The following DNAH6 variants were observed in gnomAD, a reference collection of about 807,000 sequenced individuals.
DNAH6 encodes axonemal beta dynein heavy chain 6.
Under a neutral mutation model 491.4 loss-of-function variants are expected in DNAH6, and 340 were observed. The observed-to-expected ratio is 0.69, with a 90% CI of 0.63 to 0.76. The LOEUF is 0.76. DNAH6 is among the 30% of genes least tolerant of loss of function. DNAH6 has a pLI of 0.00. For missense variants in DNAH6, 4,443 were observed against 4,972.2 expected (o/e 0.89, Z 3.20); for synonymous variants, 1,603 against 1,686.1 (o/e 0.95, Z 1.21).
chr2:84,680,222 T>G (rs1436349725), intron 41 of DNAH6, among the ~76,000 whole-genome samples: 1 of 152,174 alleles, frequency 6.6e-6, no homozygotes, highest in African/African-American at 2.4e-5. Context: ...TGACACCAAA[T>G]CTGAAGTCAC....
rs1184751951 is a variant in DNAH6, at chr2:84,785,676, T to G, written c.11020T>G (p.Ser3674Ala). ...IRRAFTEMTP[S>A]FFEENILGKK... The stretch of plus-strand genomic sequence containing the variant: ...ACGAGCATTTACTGAAATGACACCT[T>G]CGTTTTTTGAAGAAAATATACTTGG... The change falls in exon 67 of 77, where the codon TCG becomes GCG. Residue 3674 changes from serine (S) to alanine (A), a missense_variant. Physicochemically the swap from Ser to Ala is moderately conservative, Grantham distance 99 (BLOSUM62 1). Coordinates refer to ENST00000389394, the MANE Select transcript of DNAH6 (RefSeq NM_001370.2). 1.3e-6 allele frequency: 2 copies of G among 1,548,576 alleles called. No homozygotes were observed. The highest frequency in any genetic ancestry group is 1.4e-5 in the African/African-American group (1 of 72,880).
chr2:84,610,011 T>G (rs1037564110), intron 21 of DNAH6, among the ~76,000 whole-genome samples: 4 of 152,158 alleles, frequency 2.6e-5, no homozygotes, highest in Non-Finnish European at 5.9e-5. Context: ...TGAGGCCTCT[T>G]GCTCAGGGTC....
intron 71 of DNAH6, among the ~76,000 whole-genome samples, chr2:84,806,946 A>G: frequency 6.6e-6 from 1 of 152,190 alleles, no homozygotes; most frequent in South Asian, 2.1e-4. Flanking sequence ...AATAAATATA[A>G]GATAGAGTGC....
At chr2:84,555,715 C>T (rs1345263419) in intron 10 of DNAH6, among the ~76,000 whole-genome samples, 1 of 152,154 alleles carries the variant, frequency 6.6e-6, no homozygotes, top group African/African-American at 2.4e-5. Flanking sequence ...TCTTCGAAAA[C>T]TTGCTCCTCC....
chr2:84,589,318 G>A (rs542895525), intron 16 of DNAH6, among the ~76,000 whole-genome samples: 34 of 152,154 alleles, frequency 2.2e-4, no homozygotes, highest in East Asian at 1.2e-3. Flanking sequence ...TCATATGTAC[G>A]TTATGATTCC....
chr2:84,606,459 G>A (rs1685777301), intron 20 of DNAH6, among the ~76,000 whole-genome samples: 1 of 152,162 alleles, frequency 6.6e-6, no homozygotes, highest in Non-Finnish European at 1.5e-5. Context: ...GAGAGATGCT[G>A]TTGTATAAAG....
chr2:84,551,575 T>TGG, intron 9 of DNAH6, among the ~76,000 whole-genome samples: 1 of 152,368 alleles, frequency 6.6e-6, no homozygotes, highest in Middle Eastern at 3.4e-3. Flanking sequence ...CTATTTCAAA[T>TGG]AATACTGCAA....
At chr2:84,535,666 A>C (rs907688420) in intron 4 of DNAH6, among the ~76,000 whole-genome samples, 1 of 149,714 alleles carries the variant, frequency 6.7e-6, no homozygotes, top group Non-Finnish European at 1.5e-5. Context: ...TTTTTATACT[A>C]CTTGGAACCA....
Position 84,813,081 on chromosome 2 carries a change from T to C in DNAH6, c.11949T>C (p.Pro3983=). ...AGCTGTGGCTCAAAAGAGGACAGCCTAAGTCCTACTGGATCTCTGGTTTCT... is the reference window on the plus strand; with the variant it reads ...AGCTGTGGCTCAAAAGAGGACAGCCCAAGTCCTACTGGATCTCTGGTTTCT... ...FVDLWLKRGQ[P]KSYWISGFFF... The change falls in exon 74 of 77, where the codon CCT becomes CCC. Residue 3983 remains proline (P), a synonymous_variant. Transcript: ENST00000389394. 1 of 1,551,786 alleles carries C rather than the reference T, an allele frequency of 6.4e-7. No individual in the cohort carries two copies.
intron 21 of DNAH6, among the ~76,000 whole-genome samples, chr2:84,607,716 A>C (rs942183250): frequency 1.4e-4 from 22 of 152,286 alleles, no homozygotes; most frequent in Admixed American, 9.8e-4. Flanking sequence ...ATTGCTAAAA[A>C]TTGCTAACTA....
chr2:84,598,369 G>A (rs72941045), intron 18 of DNAH6, among the ~76,000 whole-genome samples: 6,174 of 152,030 alleles, frequency 0.041, 410 homozygotes, highest in African/African-American at 0.14. Flanking sequence ...TTATATAGAT[G>A]TACCATAGTT....
chr2:84,784,611 A>T, intron 65 of DNAH6, 111 bp from the exon 66 acceptor site: 1 of 684,346 alleles, frequency 1.5e-6, no homozygotes. Context: ...AGATCTTTAA[A>T]CAAAGCTTAT....
intron 30 of DNAH6, 124 bp from the exon 31 acceptor site, chr2:84,637,086 C>A: frequency 1.3e-6 from 1 of 744,434 alleles, no homozygotes. Context: ...TGTTGTCCAA[C>A]AATGGTATTC....
At chr2:84,525,459 C>A in intron 2 of DNAH6, 106 bp from the exon 3 acceptor site, 2 of 1,138,834 alleles carry the variant, frequency 1.8e-6, no homozygotes, top group Non-Finnish European at 2.5e-6. Context: ...GAAATTAGTC[C>A]AAGGAGATCA....
At chr2:84,705,853 G>A (rs1377498985) in intron 52 of DNAH6, 106 bp downstream of exon 52, 2 of 1,254,020 alleles carry the variant, frequency 1.6e-6, no homozygotes, top group Non-Finnish European at 2.1e-6. Context: ...TATAGACAGT[G>A]ACAAAACTCT....
At chr2:84,803,586 TA>T (rs905735682) in intron 70 of DNAH6, among the ~76,000 whole-genome samples, 21 of 151,574 alleles carry the variant, frequency 1.4e-4, no homozygotes, top group African/African-American at 3.1e-4. Flanking sequence ...TCAAAAATGT[TA>T]AAAAAACATT....
intron 64 of DNAH6, among the ~76,000 whole-genome samples, chr2:84,767,965 C>A (rs1675248948): frequency 6.6e-6 from 1 of 152,086 alleles, no homozygotes; most frequent in East Asian, 1.9e-4. Flanking sequence ...ATAATGAAAT[C>A]TGGAAGACAT....
chr2:84,527,052 A>G (rs1676666489), intron 3 of DNAH6, among the ~76,000 whole-genome samples: 2 of 152,180 alleles, frequency 1.3e-5, no homozygotes, highest in Admixed American at 1.3e-4. Context: ...ACATAAAATA[A>G]GAAAGGTATT....
At chr2:84,627,443 T>C (rs10175395) in intron 29 of DNAH6, among the ~76,000 whole-genome samples, 1 of 152,102 alleles carries the variant, frequency 6.6e-6, no homozygotes, top group Non-Finnish European at 1.5e-5. Context: ...AGGTTTAAAA[T>C]GATTTTCTCA....
Sources: gnomAD v4.1 joint callset for allele counts (sites outside exome capture counted in the v4.1 genomes callset) on GRCh38, gnomAD v4.1.1 for gene constraint, MANE v1.5 for transcripts, NCBI Gene and HGNC (gene_info 2026-07-23, HGNC 2026-07-21) for gene names.